RBPMS: variants seen among roughly 807,000 people sequenced by gnomAD.
The protein encoded by RBPMS is RNA binding protein, mRNA processing factor.
In RBPMS, 7 loss-of-function variants were observed where a neutral mutation model predicts 26.8. The observed-to-expected ratio is 0.26, with a 90% CI of 0.15 to 0.49. The LOEUF is 0.49. RBPMS is among the 20% of genes least tolerant of loss of function. The pLI is 0.98. For missense variants in RBPMS, 186 were observed against 250.0 expected, an observed-to-expected ratio of 0.74 and a Z score of 1.73; for synonymous variants, 96 against 93.3, an observed-to-expected ratio of 1.03 and a Z score of -0.17.
chr8:30,511,478 A>T (rs1821605606), intron 5 of RBPMS, among the ~76,000 whole-genome samples: 81 of 17,150 alleles, frequency 4.7e-3, no homozygotes, highest in African/African-American at 0.015. Flanking sequence ...AAAGAAAAAA[A>T]AAAAAAAAAT....
intron 6 of RBPMS, chr8:30,556,361 C>A: frequency 1.0e-6 from 1 of 985,634 alleles, no homozygotes; most frequent in Non-Finnish European, 1.2e-6. Flanking sequence ...CGTCCCCAAC[C>A]CTGCAGGCAC....
At chr8:30,515,083 C>T (rs1177722556) in intron 5 of RBPMS, among the ~76,000 whole-genome samples, 1 of 152,140 alleles carries the variant, frequency 6.6e-6, no homozygotes, top group African/African-American at 2.4e-5. Context: ...ACGATCCTCT[C>T]TCCTCAGCCT....
chr8:30,449,068 A>G (rs1003618683), intron 1 of RBPMS, among the ~76,000 whole-genome samples: 4 of 152,206 alleles, frequency 2.6e-5, no homozygotes, highest in Non-Finnish European at 5.9e-5. Context: ...TAACTTCTGC[A>G]AGGGTAAACA....
At chr8:30,506,477 A>C (rs1308700202) in intron 5 of RBPMS, among the ~76,000 whole-genome samples, 1 of 152,120 alleles carries the variant, frequency 6.6e-6, no homozygotes, top group Non-Finnish European at 1.5e-5. Flanking sequence ...GCTCAGGTCA[A>C]CCTTATTATC....
At chr8:30,490,612 T>A (rs1819282953) in intron 4 of RBPMS, among the ~76,000 whole-genome samples, 1 of 151,868 alleles carries the variant, frequency 6.6e-6, no homozygotes, top group African/African-American at 2.4e-5. Flanking sequence ...GGCGCGTGCC[T>A]CCACGCCCGG....
chr8:30,484,216 A>G (rs2150862577), intron 4 of RBPMS, among the ~76,000 whole-genome samples: 1 of 152,298 alleles, frequency 6.6e-6, no homozygotes, highest in African/African-American at 2.4e-5. Context: ...CCTGTTTGTA[A>G]AATTATAACC....
At chr8:30,432,045 T>C (rs541284150) in intron 1 of RBPMS, among the ~76,000 whole-genome samples, 1 of 152,118 alleles carries the variant, frequency 6.6e-6, no homozygotes, top group South Asian at 2.1e-4. Context: ...GGAGGATCAC[T>C]TGAGCCCGAG....
At chr8:30,389,156 G>GA (rs1398259397) in intron 1 of RBPMS, among the ~76,000 whole-genome samples, 1 of 152,218 alleles carries the variant, frequency 6.6e-6, no homozygotes, top group African/African-American at 2.4e-5. Context: ...CAAGATTGGG[G>GA]ATCTCTGTTA....
At chr8:30,450,259 T>C (rs1007462355) in intron 1 of RBPMS, among the ~76,000 whole-genome samples, 1 of 152,200 alleles carries the variant, frequency 6.6e-6, no homozygotes, top group Non-Finnish European at 1.5e-5. Flanking sequence ...ACCCTGGAGG[T>C]AGACTATTTA....
intron 1 of RBPMS, among the ~76,000 whole-genome samples, chr8:30,385,645 C>T (rs1366158171): frequency 1.3e-5 from 2 of 151,998 alleles, no homozygotes; most frequent in Non-Finnish European, 2.9e-5. Context: ...TCTTTCTAGC[C>T]GAGGTTTTTT....
At chr8:30,569,089 A>G (rs1370006242) in intron 8 of RBPMS, among the ~76,000 whole-genome samples, 1 of 152,144 alleles carries the variant, frequency 6.6e-6, no homozygotes, top group Non-Finnish European at 1.5e-5. Context: ...CCCCCTCATC[A>G]GGGCTGCAGC....
chr8:30,521,012 T>A (rs1199529070), intron 5 of RBPMS, among the ~76,000 whole-genome samples: 1 of 152,146 alleles, frequency 6.6e-6, no homozygotes, highest in Non-Finnish European at 1.5e-5. Context: ...AGAAAAGAAA[T>A]TTATCTTGTA....
At chr8:30,411,935 G>A (rs1456322450) in intron 1 of RBPMS, among the ~76,000 whole-genome samples, 3 of 150,548 alleles carry the variant, frequency 2.0e-5, no homozygotes, top group East Asian at 2.0e-4. Context: ...GCAGTGAACC[G>A]AGATCGCGCC....
At chr8:30,387,765 CTG>C (rs138306469) in intron 1 of RBPMS, among the ~76,000 whole-genome samples, 2 of 152,248 alleles carry the variant, frequency 1.3e-5, no homozygotes, top group Non-Finnish European at 2.9e-5. Context: ...TTGTTTTTTT[CTG>C]TGTTTCTAGT....
chr8:30,560,511 G>A (rs1354474366), intron 7 of RBPMS, among the ~76,000 whole-genome samples: 3 of 152,136 alleles, frequency 2.0e-5, no homozygotes, highest in Non-Finnish European at 4.4e-5. Context: ...TGTGCTTTAG[G>A]ACATCAGCAT....
intron 1 of RBPMS, among the ~76,000 whole-genome samples, chr8:30,417,418 C>T (rs1457199976): frequency 1.3e-5 from 2 of 152,030 alleles, no homozygotes; most frequent in Non-Finnish European, 2.9e-5. Context: ...TCTCAGAAAA[C>T]CTGTTTTATA....
intron 4 of RBPMS, among the ~76,000 whole-genome samples, chr8:30,491,851 G>A (rs1245113981): frequency 1.3e-5 from 2 of 152,162 alleles, no homozygotes; most frequent in Non-Finnish European, 2.9e-5. Flanking sequence ...TACCTCACAA[G>A]TAGGACTTAT....
chr8:30,517,054 G>GA (rs1822401451), intron 5 of RBPMS, among the ~76,000 whole-genome samples: 1 of 151,996 alleles, frequency 6.6e-6, no homozygotes, highest in South Asian at 2.1e-4. Flanking sequence ...CATTTTGGAT[G>GA]AATAGCTATA....
intron 5 of RBPMS, among the ~76,000 whole-genome samples, chr8:30,525,933 A>G (rs751949286): frequency 6.6e-6 from 1 of 152,210 alleles, no homozygotes; most frequent in South Asian, 2.1e-4. Context: ...ATTCCTTGCC[A>G]CTCATGAGAA....
Sources: allele counts gnomAD v4.1 joint callset (sites outside exome capture counted in the v4.1 genomes callset), GRCh38; gene constraint gnomAD v4.1.1; transcripts MANE v1.5; gene names NCBI Gene and HGNC (gene_info 2026-07-23, HGNC 2026-07-21).